Variants in CLUL1 observed in about 807,000 individuals in gnomAD.
CLUL1 encodes clusterin-like protein 1.
In CLUL1, 43 loss-of-function variants were observed where a neutral mutation model predicts 49.4. That is an observed-to-expected ratio of 0.87 (90% confidence interval 0.68 to 1.12). The LOEUF (loss-of-function observed/expected upper bound fraction) is 1.12. Ranked by LOEUF, CLUL1 falls within the 50% of genes most tolerant of loss-of-function variation. CLUL1 has a pLI of 0.00. For missense variants in CLUL1, 486 were observed against 544.4 expected (o/e 0.89, Z 1.07); for synonymous variants, 192 against 184.9 (o/e 1.04, Z -0.31).
intron 6 of CLUL1, among the ~76,000 whole-genome samples, chr18:628,031 T>C (rs2073863194): frequency 6.6e-6 from 1 of 152,186 alleles, no homozygotes; most frequent in East Asian, 1.9e-4. Flanking sequence ...GTCAGTATCT[T>C]GGCCAAGCTG....
intron 1 of CLUL1, among the ~76,000 whole-genome samples, chr18:604,167 C>A (rs2143928347): frequency 6.6e-6 from 1 of 152,334 alleles, no homozygotes. Context: ...AGGCATGAGC[C>A]ACCACCTCCA....
Position 624,884 on chromosome 18 carries a change from A to G in CLUL1, c.275A>G (p.Asn92Ser). 2 of 1,613,938 alleles carry G rather than the reference A, an allele frequency of 1.2e-6. No homozygotes were observed. The highest frequency in any genetic ancestry group is 1.7e-6 in the Non-Finnish European group (2 of 1,179,954). The change falls in exon 5 of 10, where the codon AAT becomes AGT. Residue 92 changes from asparagine to serine, a missense_variant. Asn to Ser is a conservative substitution (Grantham distance 46). Transcript: ENST00000692774. ...EEKQEALKLL[N>S]EVQEHLEEEE... ...AACTAGGAGGCCCTGAAACTTCTGAATGAAGTTCAAGAACATCTGGAGGAA... is the reference window on the plus strand; with the variant it reads ...AACTAGGAGGCCCTGAAACTTCTGAGTGAAGTTCAAGAACATCTGGAGGAA...
At chr18:604,673 G>T (rs1171480911) in intron 1 of CLUL1, among the ~76,000 whole-genome samples, 1 of 151,996 alleles carries the variant, frequency 6.6e-6, no homozygotes, top group African/African-American at 2.4e-5. Flanking sequence ...AGAATTTTTT[G>T]CTCCTTAGCT....
At chr18:644,357 G>T (rs1280474742) in intron 8 of CLUL1, among the ~76,000 whole-genome samples, 1 of 152,182 alleles carries the variant, frequency 6.6e-6, no homozygotes, top group Non-Finnish European at 1.5e-5. Flanking sequence ...CATAAATTTT[G>T]CATTGATTCT....
At chr18:599,926 C>G (rs1165489242) in intron 1 of CLUL1, among the ~76,000 whole-genome samples, 1 of 147,080 alleles carries the variant, frequency 6.8e-6, no homozygotes, top group Non-Finnish European at 1.5e-5. Context: ...CCAGTCTGGG[C>G]TACAGAGCCA....
At chr18:632,960 C>T (rs376460191) in intron 6 of CLUL1, among the ~76,000 whole-genome samples, 30 of 152,112 alleles carry the variant, frequency 2.0e-4, no homozygotes, top group African/African-American at 5.1e-4. Flanking sequence ...TTCAAGAAAC[C>T]GGCCTGGACA....
At chr18:619,676 T>C (rs2144010419) in intron 4 of CLUL1, among the ~76,000 whole-genome samples, 1 of 152,246 alleles carries the variant, frequency 6.6e-6, no homozygotes, top group Admixed American at 6.5e-5. Context: ...AGAGTTTTTT[T>C]TTTTACTAGA....
chr18:609,004 C>T (rs1052925140), intron 2 of CLUL1, among the ~76,000 whole-genome samples: 20 of 152,110 alleles, frequency 1.3e-4, no homozygotes, highest in African/African-American at 4.3e-4. Context: ...ATCTTACATG[C>T]GTGACGCCAA....
chr18:628,482 G>A (rs982305390), intron 6 of CLUL1, among the ~76,000 whole-genome samples: 1 of 152,250 alleles, frequency 6.6e-6, no homozygotes, highest in African/African-American at 2.4e-5. Context: ...GAGTAAGTTA[G>A]ATACCGCATT....
intron 2 of CLUL1, among the ~76,000 whole-genome samples, chr18:607,564 C>T (rs1358645879): frequency 2.0e-5 from 3 of 152,238 alleles, no homozygotes; most frequent in African/African-American, 7.2e-5. Context: ...TTAGCTGGTA[C>T]TACAGGTGCA....
intron 1 of CLUL1, among the ~76,000 whole-genome samples, chr18:599,548 A>T (rs1225252422): frequency 6.6e-6 from 1 of 152,194 alleles, no homozygotes; most frequent in Admixed American, 6.5e-5. Flanking sequence ...TGATTTTCAA[A>T]TGATTAAGAC....
intron 7 of CLUL1, among the ~76,000 whole-genome samples, 186 bp downstream of exon 7, chr18:633,621 C>G (rs1396908793): frequency 6.6e-6 from 1 of 152,040 alleles, no homozygotes; most frequent in Non-Finnish European, 1.5e-5. Context: ...CGTGCACTTG[C>G]CAAGGGAGGG....
chr18:603,993 A>T lies in CLUL1; in HGVS notation c.-135-2985A>T, dbSNP rs543039700. Among the ~76,000 whole-genome samples the T allele has an allele frequency of 8.3e-4, 126 of 151,884 alleles. No homozygotes were observed. The Middle Eastern group carries it at 0.01, about 12-fold the overall frequency. ...CCTCCTGGGCTCAGGTGATCCTTCC[A>T]CCCCAGCCTCCTGAGTAGCTGGGAC... On this transcript the variant is annotated intron_variant, in intron 1 of 9. Coordinates refer to ENST00000692774, the MANE Select transcript of CLUL1 (RefSeq NM_001393344.1).
intron 9 of CLUL1, among the ~76,000 whole-genome samples, chr18:645,810 A>AAAAAAAAAAAAAAATAT (rs1451607900): frequency 3.3e-5 from 1 of 29,872 alleles, no homozygotes; most frequent in African/African-American, 1.4e-4. Flanking sequence ...AAAAAAAAAA[A>AAAAAAAAAAAAAAATAT]ATATATATAT....
intron 5 of CLUL1, among the ~76,000 whole-genome samples, chr18:626,864 T>TAGAAAGAAAGAAAGAAAGA (rs2073735753): frequency 4.9e-4 from 35 of 70,898 alleles, no homozygotes; most frequent in African/African-American, 1.7e-3. Flanking sequence ...CCATCTCAAA[T>TAGAAAGAAAGAAAGAAAGA]AAGAAAGAAA....
At chr18:626,869 A>C (rs1013475420) in intron 5 of CLUL1, among the ~76,000 whole-genome samples, 7 of 208 alleles carry the variant, frequency 0.034, no homozygotes, top group Non-Finnish European at 0.14. Context: ...TCAAATAAGA[A>C]AGAAAGAAAG....
intron 7 of CLUL1, among the ~76,000 whole-genome samples, chr18:634,328 T>G (rs993619374): frequency 3.3e-5 from 5 of 152,114 alleles, no homozygotes; most frequent in African/African-American, 1.2e-4. Flanking sequence ...GGACGAGGGT[T>G]TCACCATATT....
rs367663557 is a variant in CLUL1 at position 635,797 on chromosome 18, C to T, written c.994+2362C>T. Among the ~76,000 whole-genome samples the T allele has an allele frequency of 8.5e-3, 1,293 of 152,252 alleles. 11 individuals are homozygous for T. Among genetic ancestry groups the T allele is most frequent in the Middle Eastern group, 0.041 (12 of 294 alleles). On this transcript the variant is annotated intron_variant, in intron 7 of 9. Coordinates refer to ENST00000692774, the MANE Select transcript of CLUL1 (RefSeq NM_001393344.1). The stretch of plus-strand genomic sequence containing the variant: ...TGTCGCCCAGGCTGGAGTGCAGTGG[C>T]GCGATCTTCGCTCACTGAAACCTCT...
At position 619,326 on chromosome 18, in the gene CLUL1, ATGAGCACCC is replaced by A; in HGVS notation, c.224_232del (p.Ser75_Leu77del). The A allele has an allele frequency of 6.2e-7, 1 of 1,613,790 alleles. No homozygotes were observed. The highest frequency in any genetic ancestry group is 8.5e-7 in the Non-Finnish European group (1 of 1,179,854). ...AAAAGAGAAGGAACACACCAATCTA[ATGAGCACCC>A]TGAAGAAATGCAGAGAAGAAAAGCA... is the stretch of plus-strand genomic sequence containing the variant. On this transcript the variant is annotated inframe_deletion, in exon 4 of 10. Coordinates refer to ENST00000692774, the MANE Select transcript of CLUL1 (RefSeq NM_001393344.1).
Sources: gnomAD v4.1 joint callset for allele counts (sites outside exome capture counted in the v4.1 genomes callset) on GRCh38, gnomAD v4.1.1 for gene constraint, MANE v1.5 for transcripts, NCBI Gene and HGNC (gene_info 2026-07-23, HGNC 2026-07-21) for gene names.